The following RIPOR2 variants were observed in gnomAD, a reference collection of about 807,000 sequenced individuals.
RIPOR2 encodes the protein RHO family interacting cell polarization regulator 2, also known as rho family-interacting cell polarization regulator 2.
Under a neutral mutation model 114.5 loss-of-function variants are expected in RIPOR2, and 39 were observed. The observed-to-expected ratio is 0.34, with a 90% CI of 0.26 to 0.44. The LOEUF is 0.44. Ranked by LOEUF, RIPOR2 falls within the 20% of genes least tolerant of loss-of-function variation. The pLI is 1.00. For synonymous variants in RIPOR2, 445 were observed against 484.4 expected, an observed-to-expected ratio of 0.92 and a Z score of 1.07; for missense variants, 1,007 against 1,255.1, an observed-to-expected ratio of 0.80 and a Z score of 2.99.
intron 1 of RIPOR2, among the ~76,000 whole-genome samples, chr6:25,000,921 A>T (rs1012086757): frequency 4.6e-5 from 7 of 152,036 alleles, no homozygotes; most frequent in African/African-American, 1.7e-4. Flanking sequence ...CTGTATATTG[A>T]CCAGGCATCA....
intron 10 of RIPOR2, 128 bp from the exon 11 acceptor site, chr6:24,850,078 G>T: frequency 1.4e-6 from 1 of 694,284 alleles, no homozygotes; most frequent in African/African-American, 1.9e-5. Flanking sequence ...ATCAGAAGCG[G>T]ATTTTCATTT....
chr6:24,951,236 CA>C (rs1772737941), intron 1 of RIPOR2, among the ~76,000 whole-genome samples: 1 of 152,258 alleles, frequency 6.6e-6, no homozygotes, highest in African/African-American at 2.4e-5. Context: ...CAATATTAGG[CA>C]GAGGAACTAC....
intron 1 of RIPOR2, among the ~76,000 whole-genome samples, chr6:24,908,506 AG>A (rs1769207567): frequency 6.6e-6 from 1 of 152,208 alleles, no homozygotes; most frequent in Non-Finnish European, 1.5e-5. Flanking sequence ...ATTAACACAA[AG>A]TGTAACAGAG....
At chr6:24,863,286 G>A (rs73398445) in intron 7 of RIPOR2, among the ~76,000 whole-genome samples, 1,913 of 152,204 alleles carry the variant, frequency 0.013, 37 homozygotes, top group African/African-American at 0.044. Context: ...ACCAAATGAG[G>A]TATGAGGCTA....
chr6:24,886,217 CTGAG>C (rs1766823460), intron 1 of RIPOR2, among the ~76,000 whole-genome samples: 1 of 152,220 alleles, frequency 6.6e-6, no homozygotes, highest in African/African-American at 2.4e-5. Flanking sequence ...CTCCCCCACA[CTGAG>C]TAATTTGCAG....
intron 13 of RIPOR2, chr6:24,840,642 C>G: frequency 6.5e-7 from 1 of 1,532,100 alleles, no homozygotes; most frequent in South Asian, 1.2e-5. Context: ...CTGTCTCTGA[C>G]ACTCAAGATG....
intron 1 of RIPOR2, among the ~76,000 whole-genome samples, chr6:24,941,193 G>A (rs1772115151): frequency 6.6e-6 from 1 of 152,066 alleles, no homozygotes; most frequent in South Asian, 2.1e-4. Context: ...CCTTCAATGG[G>A]ACTAAAGACA....
intron 1 of RIPOR2, chr6:24,948,332 T>C (rs566463259): frequency 6.6e-6 from 1 of 152,334 alleles, no homozygotes; most frequent in Non-Finnish European, 1.5e-5. Flanking sequence ...CATCCGAAGA[T>C]GTCCTGCACT....
At chr6:25,024,125 C>G in intron 1 of RIPOR2, 1 of 868,380 alleles carries the variant, frequency 1.2e-6, no homozygotes, top group African/African-American at 1.7e-5. Flanking sequence ...ACCTGATATT[C>G]CCCTTACCGG....
At chr6:24,898,198 C>T (rs574534704) in intron 1 of RIPOR2, among the ~76,000 whole-genome samples, 2 of 152,154 alleles carry the variant, frequency 1.3e-5, no homozygotes, top group Admixed American at 6.5e-5. Context: ...GGTAAAAAGA[C>T]AAATGGCCTT....
chr6:24,856,357 G>A (rs1763473248), intron 8 of RIPOR2, among the ~76,000 whole-genome samples: 1 of 152,148 alleles, frequency 6.6e-6, no homozygotes, highest in South Asian at 2.1e-4. Context: ...CATTTAGTTA[G>A]TCTTTAAAAA....
chr6:24,941,390 A>G (rs919327192), intron 1 of RIPOR2, among the ~76,000 whole-genome samples: 1 of 151,994 alleles, frequency 6.6e-6, no homozygotes, highest in Non-Finnish European at 1.5e-5. Flanking sequence ...AAAAAAAAGC[A>G]TATAAAGGCA....
chr6:24,862,759 C>A (rs1388218260), intron 7 of RIPOR2, among the ~76,000 whole-genome samples: 1 of 151,604 alleles, frequency 6.6e-6, no homozygotes, highest in Non-Finnish European at 1.5e-5. Flanking sequence ...TAGGTTAAGA[C>A]TTGAGGACAT....
intron 1 of RIPOR2, among the ~76,000 whole-genome samples, chr6:24,978,289 T>C (rs1176336163): frequency 6.6e-6 from 1 of 152,138 alleles, no homozygotes; most frequent in Non-Finnish European, 1.5e-5. Context: ...TGAGCCTGAA[T>C]GTCCCCGTTT....
intron 1 of RIPOR2, among the ~76,000 whole-genome samples, chr6:24,984,090 G>A (rs754809291): frequency 2.0e-5 from 3 of 152,112 alleles, no homozygotes; most frequent in African/African-American, 7.2e-5. Context: ...TTGACACCTC[G>A]GAGCACCAGG....
intron 15 of RIPOR2, among the ~76,000 whole-genome samples, chr6:24,833,796 C>G (rs1285368145): frequency 6.6e-6 from 1 of 151,974 alleles, no homozygotes; most frequent in Non-Finnish European, 1.5e-5. Context: ...ATTGCTCATC[C>G]CCACAGAAAG....
intron 1 of RIPOR2, among the ~76,000 whole-genome samples, chr6:24,975,635 T>C (rs1774007702): frequency 6.6e-6 from 1 of 152,170 alleles, no homozygotes. Flanking sequence ...CTGGGCAATA[T>C]AGTGAGACTC....
At chr6:24,977,081 G>A (rs1285390158) in intron 1 of RIPOR2, 4 of 1,210,636 alleles carry the variant, frequency 3.3e-6, no homozygotes, top group Admixed American at 1.8e-5. Flanking sequence ...GTATCTTTGT[G>A]CTCTTGCTGC....
chr6:24,973,589 G>C (rs1773894096), intron 1 of RIPOR2, among the ~76,000 whole-genome samples: 1 of 106,380 alleles, frequency 9.4e-6, no homozygotes, highest in African/African-American at 5.3e-5. Context: ...GAGTGAGACT[G>C]CATCTCAAAA....
Sources: allele counts gnomAD v4.1 joint callset (sites outside exome capture counted in the v4.1 genomes callset), GRCh38; gene constraint gnomAD v4.1.1; transcripts MANE v1.5; gene names NCBI Gene and HGNC (gene_info 2026-07-23, HGNC 2026-07-21).